Variants in KIF6 observed in about 807,000 individuals in gnomAD.
KIF6 encodes kinesin-like protein KIF6.
A neutral mutation model predicts 112.7 loss-of-function variants in KIF6; 106 were observed. The observed-to-expected ratio is 0.94, with a 90% CI of 0.80 to 1.11. The LOEUF is 1.11. Among genes scored for constraint, KIF6 ranks in the 50% least tolerant of loss-of-function variants. KIF6 has a pLI of 0.00. For missense variants in KIF6, 929 were observed against 964.0 expected (o/e 0.96, Z 0.48); for synonymous variants, 339 against 339.9 (o/e 1.00, Z 0.03).
At chr6:39,427,031 A>G (rs1417217796) in intron 14 of KIF6, among the ~76,000 whole-genome samples, 1 of 152,216 alleles carries the variant, frequency 6.6e-6, no homozygotes, top group South Asian at 2.1e-4. Context: ...AGACCACAGA[A>G]TTAGTCTGAT....
At chr6:39,593,844 A>C (rs984586661) in intron 7 of KIF6, among the ~76,000 whole-genome samples, 2 of 152,134 alleles carry the variant, frequency 1.3e-5, no homozygotes, top group African/African-American at 4.8e-5. Context: ...TCTGAGTCAG[A>C]TACCCTGCTA....
intron 1 of KIF6, 22 bp downstream of exon 1, chr6:39,725,223 C>T (rs766530387): frequency 3.1e-6 from 5 of 1,601,310 alleles, no homozygotes; most frequent in Admixed American, 3.4e-5. Context: ...CGCGCCGGCG[C>T]CCCGGAGGCT....
chr6:39,380,029 A>T (rs74542757), intron 16 of KIF6, among the ~76,000 whole-genome samples: 5,449 of 152,298 alleles, frequency 0.036, 173 homozygotes, highest in Non-Finnish European at 0.048. Flanking sequence ...CTCAAGAAAC[A>T]TTTGCTGATT....
intron 10 of KIF6, among the ~76,000 whole-genome samples, chr6:39,574,787 A>G (rs1156384407): frequency 1.3e-5 from 2 of 152,202 alleles, no homozygotes; most frequent in Admixed American, 1.3e-4. Context: ...AGATATTGGT[A>G]AATATAGAGC....
chr6:39,455,467 C>T lies in KIF6; in HGVS notation c.1646-24306G>A, dbSNP rs545998073. On this transcript the variant is annotated intron_variant, in intron 13 of 22. Transcript: ENST00000287152. ...AAACTCTAAAACGCAGAGTGCCTCT[C>T]CTCCTCCAAAGGAATGCAGTTCCTC... Among the ~76,000 whole-genome samples the T allele has an allele frequency of 8.0e-4, 121 of 151,926 alleles. 1 individual carries two copies. The highest frequency in any genetic ancestry group is 2.8e-3 in the African/African-American group (114 of 41,288).
chr6:39,521,393 G>A (rs1180462364), intron 13 of KIF6, among the ~76,000 whole-genome samples: 1 of 152,070 alleles, frequency 6.6e-6, no homozygotes, highest in Non-Finnish European at 1.5e-5. Flanking sequence ...TAGAATTTAG[G>A]AGATACAACA....
intron 3 of KIF6, among the ~76,000 whole-genome samples, chr6:39,677,676 T>TCCCC (rs1332374094): frequency 2.1e-5 from 2 of 93,842 alleles, no homozygotes; most frequent in African/African-American, 9.7e-5. Context: ...ATGCTATCCC[T>TCCCC]CCCCCCTCCC....
intron 16 of KIF6, 116 bp downstream of exon 16, chr6:39,385,506 T>C (rs967283499): frequency 1.2e-6 from 1 of 835,102 alleles, no homozygotes; most frequent in Non-Finnish European, 2.1e-6. Flanking sequence ...ACCCTTGCCA[T>C]CCTTAACCTC....
At chr6:39,668,573 GAGA>G (rs1173180561) in intron 3 of KIF6, among the ~76,000 whole-genome samples, 2 of 152,174 alleles carry the variant, frequency 1.3e-5, no homozygotes, top group African/African-American at 4.8e-5. Flanking sequence ...TTCGTGTGAT[GAGA>G]AGCTCATTAC....
chr6:39,663,611 A>T (rs1258236972), intron 3 of KIF6, among the ~76,000 whole-genome samples: 2 of 152,168 alleles, frequency 1.3e-5, no homozygotes, highest in Non-Finnish European at 2.9e-5. Context: ...TAAAATATGA[A>T]TATAGCACAA....
At chr6:39,360,586 A>G in intron 17 of KIF6, 56 bp from the exon 18 acceptor site, 2 of 1,605,188 alleles carry the variant, frequency 1.2e-6, no homozygotes, top group Non-Finnish European at 1.7e-6. Flanking sequence ...CACGGCATGG[A>G]TGCAGGGCTG....
At chr6:39,578,004 T>G in intron 10 of KIF6, 52 bp downstream of exon 10, 1 of 1,243,776 alleles carries the variant, frequency 8.0e-7, no homozygotes, top group Non-Finnish European at 1.2e-6. Context: ...ACAAAGAAGT[T>G]AACACAAACT....
rs79116383 is a variant in KIF6 at position 39,464,660 on chromosome 6, C to T, written c.1646-33499G>A. On this transcript the variant is annotated intron_variant, in intron 13 of 22. Coordinates refer to ENST00000287152, the MANE Select transcript of KIF6 (RefSeq NM_145027.6). ...TCTCCACAGCCTGGATGCTAGTGGGCTAGGGCAGCCAGGTGGGGCCAGCTG... is the reference window on the plus strand; with the variant it reads ...TCTCCACAGCCTGGATGCTAGTGGGTTAGGGCAGCCAGGTGGGGCCAGCTG... Among the ~76,000 whole-genome samples the T allele has an allele frequency of 9.7e-4, 147 of 152,270 alleles. 2 individuals are homozygous for T. Among genetic ancestry groups the T allele is most frequent in the South Asian group, 9.1e-3 (44 of 4,814 alleles).
intron 12 of KIF6, among the ~76,000 whole-genome samples, chr6:39,542,565 A>G (rs1410346275): frequency 1.3e-5 from 2 of 152,212 alleles, no homozygotes; most frequent in African/African-American, 4.8e-5. Flanking sequence ...TGGGTTCTAC[A>G]AAGAAAGATA....
Position 39,613,413 on chromosome 6 carries a change from C to T in KIF6, c.510-95G>A, listed in dbSNP as rs568558286. 48 of 894,092 alleles carry T rather than the reference C, an allele frequency of 5.4e-5. 1 individual carries two copies. In the Admixed American group the frequency reaches 9.1e-4, roughly 17 times the overall value. 55.4% of individuals were successfully genotyped at this position (894,092 alleles called of 1,614,324 possible). On this transcript the variant is annotated intron_variant, in intron 5 of 22. Transcript: ENST00000287152. ...GCTTTTAAAAAGCTGTATAGTATGA[C>T]GTCTTGAACTTATAAAAGCAAATAA...
chr6:39,537,199 T>C (rs544493700), intron 13 of KIF6, among the ~76,000 whole-genome samples: 10 of 152,212 alleles, frequency 6.6e-5, no homozygotes, highest in African/African-American at 2.2e-4. Flanking sequence ...CAACATAGTG[T>C]TGGAAGTTCT....
chr6:39,603,003 T>C (rs566520604), intron 6 of KIF6, among the ~76,000 whole-genome samples: 1 of 152,270 alleles, frequency 6.6e-6, no homozygotes, highest in South Asian at 2.1e-4. Context: ...ATCCAAAAAA[T>C]TGTTGTTCCA....
In KIF6 at chr6:39,583,155, C is replaced by A. The variant is rs563823669; in HGVS notation, c.1077+1743G>T. 1.8e-3 allele frequency: 474 copies of A among 256,540 alleles called. 6 individuals carry two copies. Among genetic ancestry groups the A allele is most frequent in the African/African-American group, 9.9e-3 (447 of 44,958 alleles). 15.9% of individuals were successfully genotyped at this position (256,540 alleles called of 1,614,324 possible). On this transcript the variant is annotated intron_variant, in intron 9 of 22. Transcript: ENST00000287152. ...TGCAAAAAACAAACAAACAAACAAA[C>A]AAACAAAAACAAAACCCTCCAATGT...
At chr6:39,402,944 T>C (rs190204432) in intron 15 of KIF6, among the ~76,000 whole-genome samples, 1 of 152,334 alleles carries the variant, frequency 6.6e-6, no homozygotes, top group East Asian at 1.9e-4. Context: ...GGAAAAGCTG[T>C]GGCAAAAGCT....
Sources: gnomAD v4.1 joint callset for allele counts (sites outside exome capture counted in the v4.1 genomes callset) on GRCh38, gnomAD v4.1.1 for gene constraint, MANE v1.5 for transcripts, NCBI Gene and HGNC (gene_info 2026-07-23, HGNC 2026-07-21) for gene names.